The following KCNMB3 variants were observed in gnomAD, a reference collection of about 807,000 sequenced individuals.
The protein encoded by KCNMB3 is calcium-activated potassium channel subunit beta-3.
In KCNMB3, 18 loss-of-function variants were observed where a neutral mutation model predicts 11.9. The observed-to-expected ratio is 1.51, with a 90% CI of 1.04 to 2.23. The LOEUF (loss-of-function observed/expected upper bound fraction) is 2.23. KCNMB3 is among the 30% of genes most tolerant of loss of function. The pLI is 0.00. For synonymous variants in KCNMB3, 78 were observed against 119.2 expected (o/e 0.65, Z 2.25); for missense variants, 247 against 329.4 (o/e 0.75, Z 1.94).
Position 179,242,801 on chromosome 3 carries a change from A to C in KCNMB3, c.*103T>G. ...TCCCACATGAAAATATGATACTTTAATTATTACCTTTTACATTATTAGTTT... is the reference window on the plus strand; with the variant it reads ...TCCCACATGAAAATATGATACTTTACTTATTACCTTTTACATTATTAGTTT... On this transcript the variant is annotated 3_prime_UTR_variant, in exon 3 of 3. Coordinates refer to ENST00000392685, the MANE Select transcript of KCNMB3 (RefSeq NM_171830.2). 1 of 1,452,342 alleles carries C rather than the reference A, an allele frequency of 6.9e-7. No individual in the cohort carries two copies. 90.0% of individuals were successfully genotyped at this position (1,452,342 alleles called of 1,614,324 possible).
rs1175511160 is a variant in KCNMB3 at position 179,243,064 on chromosome 3, A to T, written c.668T>A (p.Ile223Asn). The change falls in exon 3 of 3, where the codon ATT becomes AAT. Residue 223 changes from isoleucine (I) to asparagine (N), a missense_variant. Physicochemically the swap from Ile to Asn is moderately radical, Grantham distance 149 (BLOSUM62 -3). Around this residue, in one of 2 missense-constraint regions of KCNMB3, gnomAD observed 87 missense variants for 171.9 expected, o/e 0.51. Coordinates refer to ENST00000392685, the MANE Select transcript of KCNMB3 (RefSeq NM_171830.2). ...PSLTLLGGAL[I>N]VGMVRLTQHL... ...TTGTGTTAATCTCACCATGCCAACAATCAGGGCACCACCTAGCAGAGTCAG... is the reference window on the plus strand; with the variant it reads ...TTGTGTTAATCTCACCATGCCAACATTCAGGGCACCACCTAGCAGAGTCAG... 1 of 1,586,886 alleles carries T rather than the reference A, an allele frequency of 6.3e-7. No homozygotes were observed. Among genetic ancestry groups the T allele is most frequent in the Non-Finnish European group, 8.6e-7 (1 of 1,166,220 alleles).
At chr3:179,246,045 G>C (rs1320031834) in intron 1 of KCNMB3, among the ~76,000 whole-genome samples, 1 of 152,166 alleles carries the variant, frequency 6.6e-6, no homozygotes, top group African/African-American at 2.4e-5. Flanking sequence ...CTCACATATA[G>C]GTGGACTCCT....
intron 1 of KCNMB3, among the ~76,000 whole-genome samples, chr3:179,263,887 C>T (rs917204910): frequency 4.1e-5 from 6 of 145,260 alleles, no homozygotes; most frequent in African/African-American, 1.0e-4. Flanking sequence ...CTCACTACAA[C>T]CTCTGCTTCC....
intron 1 of KCNMB3, among the ~76,000 whole-genome samples, chr3:179,266,428 A>G (rs982015524): frequency 1.3e-5 from 2 of 152,214 alleles, no homozygotes; most frequent in African/African-American, 4.8e-5. Context: ...TCCAGTCTCC[A>G]AGAACTGGCA....
intron 1 of KCNMB3, among the ~76,000 whole-genome samples, chr3:179,247,496 TA>T (rs887256128): frequency 1.1e-4 from 17 of 148,126 alleles, no homozygotes; most frequent in Admixed American, 4.0e-4. Flanking sequence ...TCCCACTTCT[TA>T]AAAAAAAAAG....
At chr3:179,249,007 CTTTTTTTT>C (rs1169837939) in intron 1 of KCNMB3, among the ~76,000 whole-genome samples, 5 of 89,864 alleles carry the variant, frequency 5.6e-5, no homozygotes, top group Non-Finnish European at 1.1e-4. Flanking sequence ...GACCCCGTCT[CTTTTTTTT>C]TTTTTTTTTT....
At chr3:179,262,520 G>T (rs932461982) in intron 1 of KCNMB3, among the ~76,000 whole-genome samples, 1 of 152,230 alleles carries the variant, frequency 6.6e-6, no homozygotes, top group South Asian at 2.1e-4. Flanking sequence ...TTATTGCAAA[G>T]AGCAAAGGAA....
chr3:179,266,943 G>T, exon 1 of KCNMB3: 2 of 1,338,792 alleles, frequency 1.5e-6, no homozygotes, highest in Non-Finnish European at 1.9e-6. Context: ...AGTTCTAGAT[G>T]ATCAAGAAGG....
At chr3:179,259,350 C>T (rs1027418889) in intron 1 of KCNMB3, 32 of 1,565,368 alleles carry the variant, frequency 2.0e-5, no homozygotes, top group Admixed American at 3.9e-5. Context: ...TTTTGCAACA[C>T]CTTCATCTAA....
chr3:179,253,858 G>C (rs960974767), upstream of KCNMB3, among the ~76,000 whole-genome samples: 13 of 151,998 alleles, frequency 8.6e-5, 1 homozygote, highest in African/African-American at 2.2e-4. Context: ...AGCCCACATA[G>C]ATATGTTTTT....
downstream of KCNMB3, chr3:179,242,657 C>T (rs1725492231): frequency 4.0e-6 from 2 of 503,794 alleles, no homozygotes; most frequent in South Asian, 3.9e-5. Flanking sequence ...TTTTGCTATA[C>T]AGGAAAAAAA....
chr3:179,250,929 G>C lies in KCNMB3; in HGVS notation c.62C>G (p.Ala21Gly). ...VSPSPFPQRT[A>G]FPASGKKRET... ...TCTCTTCTTCCCTGAGGCAGGAAAGGCTGTCCTTTGGGGAAAGGGAGAAGG... is the reference window on the plus strand; with the variant it reads ...TCTCTTCTTCCCTGAGGCAGGAAAGCCTGTCCTTTGGGGAAAGGGAGAAGG... Residue 21 changes from alanine (A) to glycine (G), a missense_variant, in exon 1 of 3, where the codon GCC becomes GGC. Transcript: ENST00000392685. 1.9e-6 allele frequency: 3 copies of C among 1,614,128 alleles called. No individual in the cohort carries two copies. The highest frequency in any genetic ancestry group is 2.5e-6 in the Non-Finnish European group (3 of 1,180,022).
upstream of KCNMB3, among the ~76,000 whole-genome samples, chr3:179,255,733 T>C (rs937463872): frequency 3.3e-5 from 5 of 152,046 alleles, no homozygotes; most frequent in Non-Finnish European, 7.4e-5. Context: ...TGGAATAAAA[T>C]AAAGAGGAAC....
chr3:179,262,546 G>A (rs768804031), intron 1 of KCNMB3, among the ~76,000 whole-genome samples: 4 of 152,226 alleles, frequency 2.6e-5, no homozygotes, highest in Non-Finnish European at 4.4e-5. Context: ...CCTCCACAGC[G>A]TGGAAAGGGA....
rs1725827926 is a variant in KCNMB3 at position 179,251,082 on chromosome 3, C to G, written c.-92G>C. 1 of 1,614,132 alleles carries G rather than the reference C, an allele frequency of 6.2e-7. No homozygotes were observed. On this transcript the variant is annotated 5_prime_UTR_variant, in exon 1 of 3. Coordinates refer to ENST00000392685, the MANE Select transcript of KCNMB3 (RefSeq NM_171830.2). ...AATGCAACAAAATGAAATCCCAGTTCAGAGCTTGGTGAAAAGTCCATCTAA... is the reference window on the plus strand; with the variant it reads ...AATGCAACAAAATGAAATCCCAGTTGAGAGCTTGGTGAAAAGTCCATCTAA...
At chr3:179,260,599 C>CGT in intron 1 of KCNMB3, 3 of 1,466,794 alleles carry the variant, frequency 2.0e-6, no homozygotes, top group Non-Finnish European at 2.8e-6. Context: ...ACTCTTCTTT[C>CGT]GTCATCTTGG....
intron 2 of KCNMB3, 78 bp downstream of exon 2, chr3:179,244,417 G>C (rs1725564723): frequency 8.6e-7 from 1 of 1,159,792 alleles, no homozygotes. Flanking sequence ...GACAGCCCTG[G>C]GTTATTTATG....
At chr3:179,251,730 T>G, upstream of KCNMB3, 5 of 957,454 alleles carry the variant, frequency 5.2e-6, 1 homozygote, top group South Asian at 2.7e-4. Flanking sequence ...TGTTTTTGTG[T>G]TTTTTGGTTT....
At chr3:179,239,777 T>C (rs1725403444), downstream of KCNMB3, 1 of 416,260 alleles carries the variant, frequency 2.4e-6, no homozygotes, top group Non-Finnish European at 4.3e-6. Context: ...TTTATTTCTC[T>C]ATATTTTGTC....
Sources: gnomAD v4.1 joint callset for allele counts (sites outside exome capture counted in the v4.1 genomes callset) on GRCh38, gnomAD v4.1.1 for gene constraint, gnomAD v4.1.1 regional missense constraint, MANE v1.5 for transcripts, NCBI Gene and HGNC (gene_info 2026-07-23, HGNC 2026-07-21) for gene names.